Variants in GALNTL6 observed in about 807,000 individuals in gnomAD.
GALNTL6 encodes the protein polypeptide N-acetylgalactosaminyltransferase like 6.
Under a neutral mutation model 73.7 loss-of-function variants are expected in GALNTL6, and 46 were observed. That is an observed-to-expected ratio of 0.62 (90% CI 0.49 to 0.80). GALNTL6 has a LOEUF of 0.80. Among genes scored for constraint, GALNTL6 ranks in the 30% least tolerant of loss-of-function variants. The pLI is 0.00. For missense variants in GALNTL6, 604 were observed against 755.0 expected, an observed-to-expected ratio of 0.80 and a Z score of 2.34; for synonymous variants, 259 against 263.7, an observed-to-expected ratio of 0.98 and a Z score of 0.17.
chr4:172,184,534 A>G (rs761658529), intron 2 of GALNTL6, among the ~76,000 whole-genome samples: 2 of 152,212 alleles, frequency 1.3e-5, no homozygotes, highest in African/African-American at 2.4e-5. Context: ...ATTAATAGTA[A>G]TGCTTAAGTG....
intron 5 of GALNTL6, among the ~76,000 whole-genome samples, chr4:172,375,225 A>G (rs891441894): frequency 1.3e-5 from 2 of 152,138 alleles, no homozygotes; most frequent in Non-Finnish European, 1.5e-5. Context: ...AAGCTTGGAC[A>G]TAAGGCATTT....
At chr4:172,733,091 T>C (rs1736247682) in intron 5 of GALNTL6, among the ~76,000 whole-genome samples, 1 of 152,248 alleles carries the variant, frequency 6.6e-6, no homozygotes, top group Non-Finnish European at 1.5e-5. Flanking sequence ...AGAACTCCCT[T>C]TAGCATTTCT....
chr4:172,905,812 C>CAAAAAAAAAAAAAA (rs397996287), intron 8 of GALNTL6, among the ~76,000 whole-genome samples: 12 of 69,682 alleles, frequency 1.7e-4, no homozygotes, highest in Non-Finnish European at 2.2e-4. Flanking sequence ...AGAGATCACT[C>CAAAAAAAAAAAAAA]AAAAAAAAAA....
At chr4:172,871,463 A>T (rs1744926924) in intron 7 of GALNTL6, among the ~76,000 whole-genome samples, 1 of 151,870 alleles carries the variant, frequency 6.6e-6, no homozygotes, top group Admixed American at 6.6e-5. Context: ...CTTTTCCTTC[A>T]TTCTTTTTCC....
At chr4:172,939,669 G>A (rs536203752) in intron 9 of GALNTL6, among the ~76,000 whole-genome samples, 138 of 152,252 alleles carry the variant, frequency 9.1e-4, no homozygotes, top group African/African-American at 3.2e-3. Flanking sequence ...GTGATGTAAC[G>A]TCACCTCACC....
intron 2 of GALNTL6, among the ~76,000 whole-genome samples, chr4:172,048,113 T>C (rs1742270172): frequency 6.6e-6 from 1 of 152,122 alleles, no homozygotes; most frequent in Admixed American, 6.6e-5. Context: ...TCAATAAATA[T>C]TCTTGAATGA....
intron 2 of GALNTL6, among the ~76,000 whole-genome samples, chr4:172,152,890 G>A (rs963658447): frequency 5.3e-5 from 8 of 152,180 alleles, no homozygotes; most frequent in African/African-American, 1.9e-4. Flanking sequence ...GATTACAGGC[G>A]TGAGCCACCG....
In GALNTL6 at chr4:172,385,956, A is replaced by G. The variant is rs145833627; in HGVS notation, c.553+37267A>G. The stretch of plus-strand genomic sequence containing the variant: ...TTCTAAAGATTATAGTAGAAATTAC[A>G]ATTAACTTAAAGCAATCTAGTTCAC... On this transcript the variant is annotated intron_variant, in intron 5 of 12. Coordinates refer to ENST00000506823, the MANE Select transcript of GALNTL6 (RefSeq NM_001034845.3). Among the ~76,000 whole-genome samples, 365 of 152,194 alleles carry G rather than the reference A, an allele frequency of 2.4e-3. 4 individuals are homozygous for G. The highest frequency in any genetic ancestry group is 8.5e-3 in the African/African-American group (352 of 41,554).
intron 5 of GALNTL6, among the ~76,000 whole-genome samples, chr4:172,359,938 A>G (rs1742305391): frequency 6.6e-6 from 1 of 152,200 alleles, no homozygotes; most frequent in South Asian, 2.1e-4. Context: ...GTAAGCTGAC[A>G]GGAGTCCCTG....
chr4:172,498,616 T>C (rs1734153067), intron 5 of GALNTL6, among the ~76,000 whole-genome samples: 1 of 152,200 alleles, frequency 6.6e-6, no homozygotes, highest in Non-Finnish European at 1.5e-5. Context: ...TTAAATCTCC[T>C]AAGCAACTAC....
At chr4:172,412,525 G>C (rs965630270) in intron 5 of GALNTL6, among the ~76,000 whole-genome samples, 2 of 152,150 alleles carry the variant, frequency 1.3e-5, no homozygotes, top group Non-Finnish European at 2.9e-5. Flanking sequence ...TATGCTTATA[G>C]AAGTCCAGAT....
intron 5 of GALNTL6, among the ~76,000 whole-genome samples, chr4:172,715,148 G>A (rs1734989148): frequency 6.6e-6 from 1 of 152,126 alleles, no homozygotes; most frequent in African/African-American, 2.4e-5. Flanking sequence ...TCCTTTTGGG[G>A]TCTCTACTAT....
intron 8 of GALNTL6, among the ~76,000 whole-genome samples, chr4:172,903,786 T>G (rs746015286): frequency 3.9e-5 from 6 of 152,168 alleles, no homozygotes; most frequent in Non-Finnish European, 7.4e-5. Context: ...TTTCGGGGGT[T>G]TGTTGTATTA....
At chr4:172,880,934 A>C (rs1188262299) in intron 7 of GALNTL6, among the ~76,000 whole-genome samples, 1 of 152,146 alleles carries the variant, frequency 6.6e-6, no homozygotes, top group Non-Finnish European at 1.5e-5. Context: ...ATAAAAACTC[A>C]ATTTAGAATT....
chr4:172,809,598 G>A lies in GALNTL6; in HGVS notation c.739+52G>A, dbSNP rs757736485. ...CTGGGATGCCTCAGGGGAACTGAGC[G>A]GTTTGCTTCTATTTAGTTTGCAATC... On this transcript the variant is annotated intron_variant, in intron 6 of 12. Coordinates refer to ENST00000506823, the MANE Select transcript of GALNTL6 (RefSeq NM_001034845.3). This position sits in a 1 kb window ranked among gnomAD's most constrained non-coding sequence, Gnocchi z 4.4. The A allele has an allele frequency of 1.8e-4, 256 of 1,441,192 alleles. No individual in the cohort carries two copies. The highest frequency in any genetic ancestry group is 2.2e-4 in the Non-Finnish European group (235 of 1,061,384). The allele number at this position is 1,441,192 out of a possible 1,614,324, so 89.3% of individuals were successfully genotyped here. A position where few individuals can be genotyped will look rare whatever the true frequency, so the allele number is the denominator to read the frequency against.
chr4:172,285,937 G>A (rs190972274), intron 3 of GALNTL6, among the ~76,000 whole-genome samples: 41 of 152,266 alleles, frequency 2.7e-4, no homozygotes, highest in African/African-American at 7.0e-4. Context: ...TGAGTACTTG[G>A]ATGAAAAATA....
In GALNTL6 at chr4:172,734,333, C is replaced by CA. The variant is rs537753075; in HGVS notation, c.554-75024dup. On this transcript the variant is annotated intron_variant, in intron 5 of 12. Coordinates refer to ENST00000506823, the MANE Select transcript of GALNTL6 (RefSeq NM_001034845.3). ...AGAAATTTGCATAAGTAACAAGGTTCAAAATGCTAATCACCAAGACAATGG... is the reference window on the plus strand; with the variant it reads ...AGAAATTTGCATAAGTAACAAGGTTCAAAAATGCTAATCACCAAGACAATGG... Among the ~76,000 whole-genome samples, 186 of 152,252 alleles carry CA rather than the reference C, an allele frequency of 1.2e-3. 1 individual carries two copies. Among genetic ancestry groups the CA allele is most frequent in the African/African-American group, 4.2e-3 (176 of 41,540 alleles).
intron 10 of GALNTL6, among the ~76,000 whole-genome samples, chr4:172,973,085 G>C (rs1443496900): frequency 6.6e-6 from 1 of 152,196 alleles, no homozygotes; most frequent in East Asian, 1.9e-4. Flanking sequence ...AAATTCAAAA[G>C]GAAAGAATTT....
At chr4:173,019,492 G>A (rs1285066180) in intron 11 of GALNTL6, among the ~76,000 whole-genome samples, 1 of 152,178 alleles carries the variant, frequency 6.6e-6, no homozygotes, top group Non-Finnish European at 1.5e-5. Context: ...ATCCAAGAGA[G>A]CAGTGAGTTC....
Sources: allele counts gnomAD v4.1 joint callset (sites outside exome capture counted in the v4.1 genomes callset), GRCh38; gene constraint gnomAD v4.1.1; non-coding constraint Gnocchi (gnomAD v3.1); transcripts MANE v1.5; gene names NCBI Gene and HGNC (gene_info 2026-07-23, HGNC 2026-07-21).